LIN52: variants seen among roughly 807,000 people sequenced by gnomAD.
LIN52 encodes the protein lin-52 DREAM MuvB core complex component, also known as protein lin-52 homolog.
LIN52 carries 4 observed loss-of-function variants against 18.5 expected under a neutral mutation model. That is an observed-to-expected ratio of 0.22 (90% confidence interval 0.11 to 0.49). The LOEUF (loss-of-function observed/expected upper bound fraction) is 0.49, where lower values mean the gene tolerates loss of function less well. LIN52 is among the 20% of genes least tolerant of loss of function. LIN52 has a pLI of 0.97. For missense variants in LIN52, 102 were observed against 139.5 expected (o/e 0.73, Z 1.35); for synonymous variants, 34 against 45.5 (o/e 0.75, Z 1.02).
chr14:74,120,151 TA>T (rs1419946916), intron 5 of LIN52, among the ~76,000 whole-genome samples: 1 of 151,972 alleles, frequency 6.6e-6, no homozygotes, highest in Non-Finnish European at 1.5e-5. Context: ...TATCAGTCTT[TA>T]AAAAAATGAT....
Position 74,104,319 on chromosome 14 carries a change from A to G in LIN52, c.283+3081A>G, listed in dbSNP as rs144405890. Among the ~76,000 whole-genome samples, 1,239 of 152,296 alleles carry G rather than the reference A, an allele frequency of 8.1e-3. 20 individuals are homozygous for G. The highest frequency in any genetic ancestry group is 0.029 in the African/African-American group (1,204 of 41,560). On this transcript the variant is annotated intron_variant, in intron 5 of 5. Coordinates refer to ENST00000555028, the MANE Select transcript of LIN52 (RefSeq NM_001024674.3). ...GTTTAGATTTCTGTAGTTGACTCAT[A>G]AATGCCTTTATACAGTTCATTTTTT...
intron 5 of LIN52, among the ~76,000 whole-genome samples, chr14:74,115,919 A>G (rs2060961651): frequency 6.6e-6 from 1 of 152,120 alleles, no homozygotes; most frequent in African/African-American, 2.4e-5. Context: ...TTTGTAGGGG[A>G]AGGGGGTTGG....
chr14:74,153,773 A>G (rs899633104), intron 5 of LIN52, among the ~76,000 whole-genome samples: 3 of 152,118 alleles, frequency 2.0e-5, no homozygotes, highest in Non-Finnish European at 2.9e-5. Flanking sequence ...CGAACTGCTG[A>G]CTTCAGGTGA....
At chr14:74,181,704 A>C (rs1482001415) in intron 5 of LIN52, among the ~76,000 whole-genome samples, 1 of 152,156 alleles carries the variant, frequency 6.6e-6, no homozygotes, top group Non-Finnish European at 1.5e-5. Flanking sequence ...TTGTGTTCTA[A>C]TTATTTTAAA....
intron 5 of LIN52, among the ~76,000 whole-genome samples, chr14:74,101,711 C>T (rs1478802071): frequency 6.6e-6 from 1 of 152,086 alleles, no homozygotes; most frequent in Admixed American, 6.5e-5. Context: ...CCGCCCGCCT[C>T]GGCCTCCCAA....
chr14:74,155,536 G>A (rs1166351338), intron 5 of LIN52, among the ~76,000 whole-genome samples: 2 of 152,144 alleles, frequency 1.3e-5, no homozygotes, highest in Non-Finnish European at 2.9e-5. Context: ...GGATCTGATC[G>A]TCTCTTCTCT....
chr14:74,180,850 T>C (rs1369203512), intron 5 of LIN52, among the ~76,000 whole-genome samples: 1 of 152,132 alleles, frequency 6.6e-6, no homozygotes, highest in East Asian at 1.9e-4. Flanking sequence ...GGCTTATGCC[T>C]GTAATATCGG....
intron 5 of LIN52, among the ~76,000 whole-genome samples, chr14:74,115,694 A>G (rs946421207): frequency 6.6e-5 from 10 of 152,220 alleles, no homozygotes; most frequent in Non-Finnish European, 1.0e-4. Flanking sequence ...TTTTATGATA[A>G]TGTGAAGTAA....
chr14:74,101,460 CTTTTTTT>C (rs200423163), intron 5 of LIN52, among the ~76,000 whole-genome samples: 3 of 138,842 alleles, frequency 2.2e-5, no homozygotes, highest in Non-Finnish European at 3.1e-5. Context: ...AATGATTTTT[CTTTTTTT>C]TTTTTTTTTG....
intron 5 of LIN52, among the ~76,000 whole-genome samples, chr14:74,135,185 C>T (rs58766139): frequency 0.19 from 29,220 of 152,058 alleles, 3,012 homozygotes; most frequent in South Asian, 0.43. Flanking sequence ...CTGGCTCAGC[C>T]TCCCGAGTAG....
rs145109160 is a variant in LIN52, at chr14:74,100,127, G to A, written c.200-1028G>A. 1.8e-4 allele frequency among the ~76,000 whole-genome samples: 27 copies of A among 152,242 alleles called. 1 individual carries two copies. Among genetic ancestry groups the A allele is most frequent in the African/African-American group, 6.3e-4 (26 of 41,544 alleles). On this transcript the variant is annotated intron_variant, in intron 4 of 5. Coordinates refer to ENST00000555028, the MANE Select transcript of LIN52 (RefSeq NM_001024674.3). The stretch of plus-strand genomic sequence containing the variant: ...TTTTGTTGCCACTTTATTATAAGTC[G>A]AAATAATGTGGACTTACAATTAACA...
chr14:74,176,395 A>G (rs753174324), intron 5 of LIN52, among the ~76,000 whole-genome samples: 2 of 152,030 alleles, frequency 1.3e-5, no homozygotes, highest in Non-Finnish European at 2.9e-5. Context: ...TACAGACATG[A>G]GCCACTGCAC....
At chr14:74,194,329 G>A (rs2078897466) in intron 5 of LIN52, among the ~76,000 whole-genome samples, 1 of 152,346 alleles carries the variant, frequency 6.6e-6, no homozygotes, top group South Asian at 2.1e-4. Context: ...AAGTGAGCCA[G>A]AAGCAAGGCT....
intron 5 of LIN52, among the ~76,000 whole-genome samples, chr14:74,149,194 G>A (rs1209617178): frequency 2.6e-5 from 4 of 152,124 alleles, no homozygotes; most frequent in Non-Finnish European, 4.4e-5. Context: ...AGATTAGGCA[G>A]CATGGTTTTA....
intron 5 of LIN52, among the ~76,000 whole-genome samples, chr14:74,175,459 G>A (rs545158010): frequency 1.3e-5 from 2 of 151,478 alleles, no homozygotes; most frequent in African/African-American, 2.4e-5. Flanking sequence ...GCTATGTAGC[G>A]AGGCCCCAGG....
At chr14:74,097,543 G>T (rs750495805) in intron 3 of LIN52, among the ~76,000 whole-genome samples, 2 of 149,348 alleles carry the variant, frequency 1.3e-5, no homozygotes, top group Non-Finnish European at 3.0e-5. Flanking sequence ...AGCAATTCTC[G>T]TGCCTCACCC....
intron 5 of LIN52, among the ~76,000 whole-genome samples, chr14:74,193,797 A>G (rs2078895008): frequency 6.6e-6 from 1 of 152,056 alleles, no homozygotes; most frequent in South Asian, 2.1e-4. Context: ...CTCTTTTCAC[A>G]ATATTACATT....
chr14:74,121,131 A>T (rs1457039664), intron 5 of LIN52, among the ~76,000 whole-genome samples: 1 of 152,198 alleles, frequency 6.6e-6, no homozygotes, highest in Non-Finnish European at 1.5e-5. Context: ...TACACAGTAG[A>T]TTTTCCCCTT....
chr14:74,168,760 A>C (rs2061259719), intron 5 of LIN52, among the ~76,000 whole-genome samples: 1 of 151,706 alleles, frequency 6.6e-6, no homozygotes, highest in Non-Finnish European at 1.5e-5. Flanking sequence ...ACTGGGTTAC[A>C]TGTTAAGAAT....
Sources: allele counts gnomAD v4.1 joint callset (sites outside exome capture counted in the v4.1 genomes callset), GRCh38; gene constraint gnomAD v4.1.1; transcripts MANE v1.5; gene names NCBI Gene and HGNC (gene_info 2026-07-23, HGNC 2026-07-21).